RORA: variants seen among roughly 807,000 people sequenced by gnomAD.
RORA encodes RAR related orphan receptor A.
A neutral mutation model predicts 69.5 loss-of-function variants in RORA; 7 were observed. That is an observed-to-expected ratio of 0.10 (90% confidence interval 0.06 to 0.19). The LOEUF (loss-of-function observed/expected upper bound fraction) is 0.19, where lower values mean the gene tolerates loss of function less well. Ranked by LOEUF, RORA falls within the 10% of genes least tolerant of loss-of-function variation. The pLI, the probability that RORA is intolerant of heterozygous loss-of-function variation, is 1.00. For synonymous variants in RORA, 261 were observed against 240.8 expected, an observed-to-expected ratio of 1.08 and a Z score of -0.78; for missense variants, 457 against 663.0, an observed-to-expected ratio of 0.69 and a Z score of 3.41.
intron 2 of RORA, among the ~76,000 whole-genome samples, chr15:60,653,667 G>A (rs557257395): frequency 2.6e-5 from 4 of 152,156 alleles, no homozygotes; most frequent in Non-Finnish European, 5.9e-5. Flanking sequence ...GGTTGTGATG[G>A]AAGTTGAGCC....
At chr15:60,790,745 G>A (rs2072403421) in intron 1 of RORA, among the ~76,000 whole-genome samples, 1 of 152,158 alleles carries the variant, frequency 6.6e-6, no homozygotes, top group Admixed American at 6.5e-5. Flanking sequence ...ATTTCAAGAG[G>A]TAGCTCCTGG....
intron 2 of RORA, among the ~76,000 whole-genome samples, chr15:60,571,413 TTTTTCTC>T (rs1293247926): frequency 6.6e-6 from 1 of 152,204 alleles, no homozygotes; most frequent in Non-Finnish European, 1.5e-5. Context: ...TAGAATTAGT[TTTTTCTC>T]TTTTCTGTGA....
chr15:61,035,773 A>C (rs573335386), intron 1 of RORA, among the ~76,000 whole-genome samples: 2 of 152,352 alleles, frequency 1.3e-5, no homozygotes, highest in African/African-American at 4.8e-5. Flanking sequence ...AAGAAGGTGG[A>C]TACAAATACA....
intron 2 of RORA, among the ~76,000 whole-genome samples, chr15:60,602,737 T>G (rs1284898207): frequency 2.6e-5 from 4 of 152,224 alleles, no homozygotes; most frequent in Admixed American, 1.3e-4. Flanking sequence ...CTAGAAGAAT[T>G]GCACTTTGAT....
In RORA at chr15:61,090,457, C is replaced by T. The variant is rs559721430; in HGVS notation, c.166+138596G>A. ...CTATTGGAGATCCCTGAGAATCTTGCCACCTAGTGATTCTTGGATCAAGCA... is the reference window on the plus strand; with the variant it reads ...CTATTGGAGATCCCTGAGAATCTTGTCACCTAGTGATTCTTGGATCAAGCA... On this transcript the variant is annotated intron_variant, in intron 1 of 10. Transcript: ENST00000335670. 2.0e-5 allele frequency among the ~76,000 whole-genome samples: 3 copies of T among 152,266 alleles called. No individual in the cohort carries two copies. In the East Asian group the frequency reaches 5.8e-4, roughly 29 times the overall value.
intron 1 of RORA, among the ~76,000 whole-genome samples, chr15:61,197,986 T>C (rs1205823789): frequency 6.6e-6 from 1 of 152,044 alleles, no homozygotes; most frequent in Non-Finnish European, 1.5e-5. Flanking sequence ...AGGATGTGAG[T>C]AGACTCGAAG....
At position 60,499,991 on chromosome 15, in the gene RORA, C is replaced by A. The variant is rs772318216; in HGVS notation, c.1308G>T (p.Leu436=). The A allele has an allele frequency of 6.2e-7, 1 of 1,608,140 alleles. No homozygotes were observed. Among genetic ancestry groups the A allele is most frequent in the South Asian group, 1.1e-5 (1 of 90,814 alleles). ...FVLMSADRSW[L]QEKVKIEKLQ... The stretch of plus-strand genomic sequence containing the variant: ...GTTTTTCAATTTTTACCTTTTCTTG[C>A]AGCCATGAGCGATCTAAGCATAAAA... Residue 436 remains leucine (L), a synonymous_variant, in exon 10 of 11, where the codon CTG becomes CTT. Coordinates refer to ENST00000335670, the MANE Select transcript of RORA (RefSeq NM_134261.3).
intron 1 of RORA, among the ~76,000 whole-genome samples, chr15:60,870,009 G>A (rs781009659): frequency 2.6e-5 from 4 of 152,182 alleles, no homozygotes; most frequent in Admixed American, 1.3e-4. Context: ...TCTCACTGTG[G>A]TTGACTGGGC....
intron 1 of RORA, among the ~76,000 whole-genome samples, chr15:61,078,788 C>T (rs72739510): frequency 2.7e-4 from 12 of 45,148 alleles, no homozygotes; most frequent in Middle Eastern, 0.02. Context: ...TCTATCTATC[C>T]ATCCACCCAC....
intron 2 of RORA, among the ~76,000 whole-genome samples, chr15:60,618,998 A>T (rs1368226222): frequency 1.3e-5 from 2 of 152,330 alleles, no homozygotes; most frequent in Admixed American, 1.3e-4. Flanking sequence ...AGGTATTCTC[A>T]CAGGGAATAC....
chr15:61,061,396 A>AATAAATAC lies in RORA; in HGVS notation c.166+167656_166+167657insGTATTTAT, dbSNP rs555915393. ...AAATAAATAAATAAATAAATAAATA[A>AATAAATAC]ATACAAGGGCATCGCAGGAAGTCCT... is the stretch of plus-strand genomic sequence containing the variant. On this transcript the variant is annotated intron_variant, in intron 1 of 10. Coordinates refer to ENST00000335670, the MANE Select transcript of RORA (RefSeq NM_134261.3). The surrounding 1 kb of genome is among the most constrained non-coding windows in gnomAD (Gnocchi z 4.4). 5.7e-4 allele frequency among the ~76,000 whole-genome samples: 85 copies of AATAAATAC among 150,044 alleles called. No homozygotes were observed. The highest frequency in any genetic ancestry group is 1.9e-3 in the African/African-American group (79 of 40,604).
chr15:61,108,616 C>T lies in RORA; in HGVS notation c.166+120437G>A, dbSNP rs73430859. ...GGCCATTTACGGAAACGTCTGTAGA[C>T]CTTTGCTACTACTAAACCATTACCA... On this transcript the variant is annotated intron_variant, in intron 1 of 10. Coordinates refer to ENST00000335670, the MANE Select transcript of RORA (RefSeq NM_134261.3). Among the ~76,000 whole-genome samples, 1,065 of 152,286 alleles carry T rather than the reference C, an allele frequency of 7.0e-3. 11 individuals carry two copies. The highest frequency in any genetic ancestry group is 0.024 in the African/African-American group (1,010 of 41,546).
chr15:60,574,978 G>A (rs565119150), intron 2 of RORA, among the ~76,000 whole-genome samples: 1 of 152,168 alleles, frequency 6.6e-6, no homozygotes, highest in Non-Finnish European at 1.5e-5. Context: ...CTGAGTCAGG[G>A]GCAGGAGAAG....
rs2065313928 is a variant in RORA at position 60,500,993 on chromosome 15, A to C, written c.1260T>G (p.Ile420Met). 5 of 1,606,616 alleles carry C rather than the reference A, an allele frequency of 3.1e-6. No homozygotes were observed. Among genetic ancestry groups the C allele is most frequent in the Non-Finnish European group, 4.3e-6 (5 of 1,173,562 alleles). Reference sequence around the variant, plus strand: ...TCAGTACAAATGCAGAAAATAATGCAATTTCATCTTCAGTCAGGTGCATAG... The same window carrying C: ...TCAGTACAAATGCAGAAAATAATGCCATTTCATCTTCAGTCAGGTGCATAG... ...LCSMHLTEDE[I>M]ALFSAFVLMS... is the part of the protein sequence containing the mutation. Residue 420 changes from isoleucine to methionine, a missense_variant, in exon 9 of 11, where the codon ATT becomes ATG. Physicochemically the swap from Ile to Met is conservative, Grantham distance 10 (BLOSUM62 1). Around this residue, in one of 3 missense-constraint regions of RORA, gnomAD observed 304 missense variants for 447.4 expected, o/e 0.68. Coordinates refer to ENST00000335670, the MANE Select transcript of RORA (RefSeq NM_134261.3).
intron 1 of RORA, among the ~76,000 whole-genome samples, chr15:61,067,173 A>G (rs112438541): frequency 0.012 from 1,747 of 149,168 alleles, 29 homozygotes; most frequent in African/African-American, 0.041. Context: ...GTGCAGTGGC[A>G]TGATCTCAGT....
chr15:61,074,531 G>C (rs2140623421), intron 1 of RORA, among the ~76,000 whole-genome samples: 1 of 152,326 alleles, frequency 6.6e-6, no homozygotes, highest in African/African-American at 2.4e-5. Flanking sequence ...AATGGGTTTA[G>C]AGTTGGCTTG....
At chr15:60,516,187 AT>A (rs1567052340) in intron 3 of RORA, among the ~76,000 whole-genome samples, 17 of 24,120 alleles carry the variant, frequency 7.0e-4, no homozygotes, top group African/African-American at 4.5e-3. Context: ...ATATATATTT[AT>A]ATATATATTT....
At chr15:60,982,994 G>A (rs915463158) in intron 1 of RORA, among the ~76,000 whole-genome samples, 1 of 152,130 alleles carries the variant, frequency 6.6e-6, no homozygotes, top group Non-Finnish European at 1.5e-5. Flanking sequence ...TACCTTTATA[G>A]ACCTTGAAGA....
At chr15:60,841,624 G>T (rs1006044411) in intron 1 of RORA, among the ~76,000 whole-genome samples, 4 of 152,144 alleles carry the variant, frequency 2.6e-5, no homozygotes, top group African/African-American at 9.7e-5. Flanking sequence ...TTCCTCCCTC[G>T]CAAAGGGAGT....
Sources: allele counts gnomAD v4.1 joint callset (sites outside exome capture counted in the v4.1 genomes callset), GRCh38; gene constraint gnomAD v4.1.1; regional missense constraint gnomAD v4.1.1; non-coding constraint Gnocchi (gnomAD v3.1); transcripts MANE v1.5; gene names NCBI Gene and HGNC (gene_info 2026-07-23, HGNC 2026-07-21).